The following SH3PXD2A variants were observed in gnomAD, a reference collection of about 807,000 sequenced individuals.
SH3PXD2A encodes SH3 and PX domain-containing protein 2A.
In SH3PXD2A, 32 loss-of-function variants were observed where a neutral mutation model predicts 115.2. That is an observed-to-expected ratio of 0.28 (90% confidence interval 0.21 to 0.37). The LOEUF is 0.37. Ranked by LOEUF, SH3PXD2A falls within the 10% of genes least tolerant of loss-of-function variation. The probability of loss-of-function intolerance (pLI) is 1.00; values close to 1 mark genes in which losing one functional copy is unlikely to be tolerated. For synonymous variants in SH3PXD2A, 610 were observed against 629.1 expected (o/e 0.97, Z 0.45); for missense variants, 1,328 against 1,498.7 (o/e 0.89, Z 1.88).
chr10:103,604,750 A>G (rs755846757), intron 14 of SH3PXD2A, among the ~76,000 whole-genome samples: 6 of 152,118 alleles, frequency 3.9e-5, no homozygotes, highest in Non-Finnish European at 5.9e-5. Flanking sequence ...TCTGTCCTTC[A>G]CCCTGCCCCA....
chr10:103,678,160 T>G (rs1173931175), intron 6 of SH3PXD2A: 2 of 1,289,070 alleles, frequency 1.6e-6, no homozygotes, highest in South Asian at 1.2e-5. Context: ...TCATGTGTAA[T>G]GTCTGGGGGG....
chr10:103,657,651 C>T (rs1002337251), intron 8 of SH3PXD2A, among the ~76,000 whole-genome samples: 5 of 152,230 alleles, frequency 3.3e-5, no homozygotes, highest in Admixed American at 6.5e-5. Flanking sequence ...TAAAGCTATT[C>T]AAGTCTCACT....
At chr10:103,738,535 G>A (rs2038406648) in intron 3 of SH3PXD2A, among the ~76,000 whole-genome samples, 1 of 151,708 alleles carries the variant, frequency 6.6e-6, no homozygotes, top group South Asian at 2.1e-4. Context: ...GTATGAGCAG[G>A]ACCCTGAAGG....
chr10:103,648,109 G>A (rs1220723957), intron 8 of SH3PXD2A, among the ~76,000 whole-genome samples: 1 of 152,142 alleles, frequency 6.6e-6, no homozygotes, highest in Non-Finnish European at 1.5e-5. Context: ...GCCAGGACAC[G>A]GGCTGGTGGG....
intron 4 of SH3PXD2A, among the ~76,000 whole-genome samples, chr10:103,728,897 G>GTTTTTTTTTTTTTTTTT (rs57283527): frequency 2.9e-5 from 4 of 135,922 alleles, no homozygotes; most frequent in African/African-American, 5.4e-5. Context: ...TTGTTTGTTT[G>GTTTTTTTTTTTTTTTTT]TTTTTTTTTT....
At chr10:103,807,028 G>C (rs1390668155) in intron 1 of SH3PXD2A, among the ~76,000 whole-genome samples, 1 of 152,232 alleles carries the variant, frequency 6.6e-6, no homozygotes, top group African/African-American at 2.4e-5. Context: ...ACCAATGTCT[G>C]AGGTTTCCAA....
At chr10:103,698,571 AG>A (rs2037854049) in intron 5 of SH3PXD2A, among the ~76,000 whole-genome samples, 1 of 152,138 alleles carries the variant, frequency 6.6e-6, no homozygotes, top group Non-Finnish European at 1.5e-5. Flanking sequence ...CTAGAATATG[AG>A]GGCTGGAGAA....
chr10:103,655,640 G>C (rs757519153), intron 8 of SH3PXD2A, among the ~76,000 whole-genome samples: 5 of 151,930 alleles, frequency 3.3e-5, no homozygotes, highest in Non-Finnish European at 5.9e-5. Flanking sequence ...AGGCATGGTG[G>C]TGCACGCCTG....
chr10:103,785,463 G>A (rs1256038440), intron 2 of SH3PXD2A, among the ~76,000 whole-genome samples: 1 of 152,162 alleles, frequency 6.6e-6, no homozygotes, highest in Non-Finnish European at 1.5e-5. Context: ...CCTGAGTGAG[G>A]GCTGAGGCCA....
Position 103,602,421 on chromosome 10 carries a change from C to A in SH3PXD2A, c.2797G>T (p.Val933Phe), listed in dbSNP as rs201405675. The A allele has an allele frequency of 6.2e-7, 1 of 1,614,132 alleles. No individual in the cohort carries two copies. Among genetic ancestry groups the A allele is most frequent in the Admixed American group, 1.7e-5 (1 of 60,032 alleles). Residue 933 changes from valine (V) to phenylalanine (F), a missense_variant, in exon 15 of 15, where the codon GTC (valine) becomes TTC (phenylalanine). Val to Phe is a conservative substitution (Grantham distance 50, BLOSUM62 -1). This residue lies in a region of SH3PXD2A where 574 missense variants were observed against 565.7 expected (regional missense o/e 1.01). Transcript: ENST00000369774. ...SDSLEKIERRVQALNTVNQSK... is the reference protein window; with the variant it reads ...SDSLEKIERRFQALNTVNQSK... ...TGGTTGACGGTGTTCAGTGCTTGGA[C>A]GCGCCTCTCGATCTTCTCCAGGCTG...
chr10:103,819,653 GGATTGGA>G (rs1180191040), intron 1 of SH3PXD2A, among the ~76,000 whole-genome samples: 2 of 152,126 alleles, frequency 1.3e-5, no homozygotes, highest in East Asian at 3.9e-4. Context: ...GCATAGTTTG[GGATTGGA>G]GAGAGAGGCG....
intron 8 of SH3PXD2A, among the ~76,000 whole-genome samples, chr10:103,638,884 G>T (rs1178669960): frequency 6.6e-6 from 1 of 152,216 alleles, no homozygotes; most frequent in East Asian, 1.9e-4. Context: ...GGAGTTTCAG[G>T]GGGAGAGAGA....
chr10:103,855,366 C>T lies in SH3PXD2A; in HGVS notation c.-100G>A. 2 of 870,892 alleles carry T rather than the reference C, an allele frequency of 2.3e-6. No individual in the cohort carries two copies. The highest frequency in any genetic ancestry group is 1.8e-5 in the African/African-American group (1 of 55,674). The allele number at this position is 870,892 out of a possible 1,614,324, so 53.9% of individuals were successfully genotyped here. A position where few individuals can be genotyped will look rare whatever the true frequency, so the allele number is the denominator to read the frequency against. On this transcript the variant is annotated 5_prime_UTR_variant, in exon 1 of 15. Transcript: ENST00000369774. ...GCTGCCGGGGTCCCGGGGCCGCCCG[C>T]CACCCCGGCCCGGCGCGCCGAACGC...
chr10:103,742,649 A>T (rs1030384025), intron 3 of SH3PXD2A, among the ~76,000 whole-genome samples: 1 of 152,204 alleles, frequency 6.6e-6, no homozygotes, highest in Non-Finnish European at 1.5e-5. Context: ...CCCCAAGGAC[A>T]GGGGTGGTTT....
At chr10:103,693,365 C>T (rs1275990548) in intron 5 of SH3PXD2A, 1 of 151,968 alleles carries the variant, frequency 6.6e-6, no homozygotes, top group Non-Finnish European at 1.5e-5. Context: ...AAGGGCGAGG[C>T]AGGTTCTCCT....
chr10:103,759,200 C>T (rs2038673982), intron 3 of SH3PXD2A, among the ~76,000 whole-genome samples: 1 of 152,218 alleles, frequency 6.6e-6, no homozygotes, highest in Non-Finnish European at 1.5e-5. Flanking sequence ...TCACCCAGCA[C>T]CCTCTGCACT....
rs772997461 is a variant in SH3PXD2A, at chr10:103,603,436, C to G, written c.1782G>C (p.Pro594=). The change falls in exon 15 of 15, where the codon CCG becomes CCC. Residue 594 remains proline (P), a synonymous_variant. Transcript: ENST00000369774. The part of the protein sequence containing the change: ...RRPAQPHRPS[P]ASSLQRARFK... ...AGCGGGCCCGCTGCAGAGAAGAGGC[C>G]GGCGAGGGCCGGTGGGGCTGGGCAG... 1 of 1,613,280 alleles carries G rather than the reference C, an allele frequency of 6.2e-7. No individual in the cohort carries two copies. The highest frequency in any genetic ancestry group is 1.3e-5 in the African/African-American group (1 of 74,942).
intron 2 of SH3PXD2A, among the ~76,000 whole-genome samples, chr10:103,776,891 A>G (rs989962901): frequency 6.6e-6 from 1 of 152,242 alleles, no homozygotes; most frequent in African/African-American, 2.4e-5. Context: ...TAGGACTTCA[A>G]TATATGAATT....
At chr10:103,806,463 C>T (rs1410198906) in intron 1 of SH3PXD2A, among the ~76,000 whole-genome samples, 1 of 152,044 alleles carries the variant, frequency 6.6e-6, no homozygotes, top group Non-Finnish European at 1.5e-5. Context: ...GCACTGGAAA[C>T]TTCAGAGAGA....
Sources: allele counts gnomAD v4.1 joint callset (sites outside exome capture counted in the v4.1 genomes callset), GRCh38; gene constraint gnomAD v4.1.1; regional missense constraint gnomAD v4.1.1; transcripts MANE v1.5; gene names NCBI Gene and HGNC (gene_info 2026-07-23, HGNC 2026-07-21).